XRCC6: variants seen among roughly 807,000 people sequenced by gnomAD.
XRCC6 encodes DNA repair protein Ku70.
XRCC6 carries 5 observed loss-of-function variants against 65.7 expected under a neutral mutation model. The ratio of observed to expected loss-of-function variants is 0.08; its 90% CI spans 0.04 to 0.16. XRCC6 has a LOEUF of 0.16. Ranked by LOEUF, XRCC6 falls within the 10% of genes least tolerant of loss-of-function variation. XRCC6 has a pLI of 1.00. For synonymous variants in XRCC6, 270 were observed against 270.6 expected, an observed-to-expected ratio of 1.00 and a Z score of 0.02; for missense variants, 447 against 738.1, an observed-to-expected ratio of 0.61 and a Z score of 4.57.
At chr22:41,646,156 A>C (rs975296128) in intron 6 of XRCC6, among the ~76,000 whole-genome samples, 3 of 151,982 alleles carry the variant, frequency 2.0e-5, no homozygotes, top group African/African-American at 7.2e-5. Context: ...AAAAGAAATT[A>C]GCTGGGTGTC....
Position 41,636,574 on chromosome 22 carries a change from C to T in XRCC6, c.393C>T (p.Phe131=), listed in dbSNP as rs755041268. Residue 131 remains phenylalanine (F), a synonymous_variant, in exon 5 of 13, where the codon TTC becomes TTT. Coordinates refer to ENST00000360079, the MANE Select transcript of XRCC6 (RefSeq NM_001469.5). ...QFKGQQGQKR[F]QDMMGHGSDY... is the part of the protein sequence containing the mutation. Reference sequence around the variant, plus strand: ...AGGGGCAGCAGGGACAAAAACGTTTCCAAGACATGATGGGCCACGGATCTG... The same window carrying T: ...AGGGGCAGCAGGGACAAAAACGTTTTCAAGACATGATGGGCCACGGATCTG... The T allele has an allele frequency of 6.8e-6, 11 of 1,613,962 alleles. No individual in the cohort carries two copies. The South Asian group carries it at 8.8e-5, about 13-fold the overall frequency.
At chr22:41,636,053 G>T in intron 3 of XRCC6, 60 bp from the exon 4 acceptor site, 3 of 1,477,204 alleles carry the variant, frequency 2.0e-6, no homozygotes, top group South Asian at 2.8e-5. Context: ...AATAGGTACT[G>T]AGCACTTATG....
chr22:41,649,139 A>AAAAAATATATATATAT, intron 7 of XRCC6, among the ~76,000 whole-genome samples: 9 of 88,728 alleles, frequency 1.0e-4, no homozygotes, highest in Admixed American at 3.5e-4. Flanking sequence ...AAAAAAAAAA[A>AAAAAATATATATATAT]ATATATATAT....
intron 3 of XRCC6, among the ~76,000 whole-genome samples, chr22:41,631,180 A>G (rs1347078605): frequency 3.4e-5 from 4 of 118,850 alleles, no homozygotes; most frequent in Admixed American, 1.6e-4. Context: ...GCGGCTGGCC[A>G]GGCAGAGGGG....
At chr22:41,626,720 C>T (rs1284378997) in intron 2 of XRCC6, among the ~76,000 whole-genome samples, 1 of 150,966 alleles carries the variant, frequency 6.6e-6, no homozygotes, top group African/African-American at 2.4e-5. Flanking sequence ...TCACTGGAAG[C>T]TCCCCCTCCC....
chr22:41,625,245 G>A (rs1456858595), intron 2 of XRCC6, among the ~76,000 whole-genome samples: 5 of 152,188 alleles, frequency 3.3e-5, no homozygotes, highest in South Asian at 4.1e-4. Flanking sequence ...TGGAGGTTGC[G>A]GTGAGCCAAG....
intron 6 of XRCC6, among the ~76,000 whole-genome samples, chr22:41,643,350 A>G (rs2067898083): frequency 6.6e-6 from 1 of 151,438 alleles, no homozygotes; most frequent in Admixed American, 6.6e-5. Flanking sequence ...CGGAGGTTGC[A>G]GTGAGCCGAG....
chr22:41,660,691 C>T (rs1372534397), intron 11 of XRCC6, among the ~76,000 whole-genome samples: 3 of 152,154 alleles, frequency 2.0e-5, no homozygotes, highest in Non-Finnish European at 2.9e-5. Context: ...TCTTATCTTT[C>T]ACCACCCCTC....
chr22:41,651,361 A>ATTTTTTTTTTTTTTTTTTTTTTTTTTTT (rs764795746), intron 8 of XRCC6, among the ~76,000 whole-genome samples: 2 of 49,676 alleles, frequency 4.0e-5, no homozygotes, highest in African/African-American at 6.2e-5. Context: ...AGTTAAACAG[A>ATTTTTTTTTTTTTTTTTTTTTTTTTTTT]TTTTTTTTTT....
At chr22:41,633,383 T>TAA (rs1432482719) in intron 3 of XRCC6, among the ~76,000 whole-genome samples, 1 of 151,998 alleles carries the variant, frequency 6.6e-6, no homozygotes, top group Non-Finnish European at 1.5e-5. Flanking sequence ...TAACCTTTTT[T>TAA]AGACCGTGGA....
chr22:41,660,485 T>C (rs1450645833), intron 11 of XRCC6, among the ~76,000 whole-genome samples: 1 of 152,106 alleles, frequency 6.6e-6, no homozygotes, highest in Non-Finnish European at 1.5e-5. Context: ...ACCTGTCTTA[T>C]CTTACCCTCT....
chr22:41,642,775 C>T (rs758725142), intron 6 of XRCC6, among the ~76,000 whole-genome samples: 1 of 152,176 alleles, frequency 6.6e-6, no homozygotes, highest in Non-Finnish European at 1.5e-5. Flanking sequence ...TAATTGGTTG[C>T]ATTTATCGTC....
At chr22:41,650,038 T>C (rs2067980176) in intron 7 of XRCC6, among the ~76,000 whole-genome samples, 1 of 151,590 alleles carries the variant, frequency 6.6e-6, no homozygotes, top group East Asian at 1.9e-4. Flanking sequence ...TAAATAATAA[T>C]AAATAGATAT....
In XRCC6 at chr22:41,650,747, C is replaced by T. The variant is rs757863806; in HGVS notation, c.985C>T (p.Leu329=). 19 of 1,613,484 alleles carry T rather than the reference C, an allele frequency of 1.2e-5. No homozygotes were observed. Among genetic ancestry groups the T allele is most frequent in the Non-Finnish European group, 1.6e-5 (19 of 1,179,756 alleles). ...SQIYGSRQII[L]EKEETEELKR... is the part of the protein sequence containing the mutation. ...GATCTATGGGAGTCGTCAGATTATA[C>T]TGGAGAAAGAGGAAACAGAAGAGCT... The change falls in exon 8 of 13, where the codon CTG becomes TTG. Residue 329 remains leucine (L), a synonymous_variant. Coordinates refer to ENST00000360079, the MANE Select transcript of XRCC6 (RefSeq NM_001469.5).
rs538301994 is a variant in XRCC6, at chr22:41,658,235, CATT to C, written c.1422-13_1422-11del. ...AAATTGTCATGTTTCAGTTGAGTTA[CATT>C]ATTGTTTTAACAGAAGTGACAGCTT... On this transcript the variant is annotated splice_polypyrimidine_tract_variant and intron_variant, in intron 10 of 12. Transcript: ENST00000360079. 0.014 allele frequency: 21,999 copies of C among 1,611,164 alleles called. 207 individuals carry two copies. Among genetic ancestry groups the C allele is most frequent in the Middle Eastern group, 0.041 (202 of 4,948 alleles).
chr22:41,653,707 T>G lies in XRCC6; in HGVS notation c.1291+17T>G. ...CTCCTCCAGGTATGTGGCAGAGATA[T>G]TTCCAGGGCTTCTGAACCTTGCCCA... On this transcript the variant is annotated intron_variant, in intron 9 of 12. Coordinates refer to ENST00000360079, the MANE Select transcript of XRCC6 (RefSeq NM_001469.5). The G allele has an allele frequency of 1.2e-6, 2 of 1,610,984 alleles. No homozygotes were observed. Among genetic ancestry groups the G allele is most frequent in the Non-Finnish European group, 1.7e-6 (2 of 1,177,598 alleles).
chr22:41,628,143 T>C lies in XRCC6; in HGVS notation c.108T>C (p.Asp36=), dbSNP rs1218396338. 1 of 1,613,296 alleles carries C rather than the reference T, an allele frequency of 6.2e-7. No individual in the cohort carries two copies. The highest frequency in any genetic ancestry group is 8.5e-7 in the Non-Finnish European group (1 of 1,179,636). The change falls in exon 3 of 13, where the codon GAT becomes GAC. Residue 36 remains aspartate (D), a synonymous_variant. Transcript: ENST00000360079. ...ASGDYKYSGR[D]SLIFLVDASK... The stretch of plus-strand genomic sequence containing the variant: ...GAGACTATAAATATTCAGGAAGAGA[T>C]AGTTTGATTTTTTTGGTTGATGCCT...
chr22:41,636,757 T>A lies in XRCC6; in HGVS notation c.576T>A (p.Asp192Glu). The A allele has an allele frequency of 1.2e-6, 2 of 1,614,112 alleles. No individual in the cohort carries two copies. The highest frequency in any genetic ancestry group is 1.7e-6 in the Non-Finnish European group (2 of 1,180,000). Residue 192 changes from aspartate to glutamate, a missense_variant, in exon 5 of 13, where the codon GAT becomes GAA. Transcript: ENST00000360079. ...GCCGGGCCAGGACCAAAGCCGGTGA[T>A]CTCCGAGATACAGGTGGGCATATTT... is the stretch of plus-strand genomic sequence containing the variant. ...KASRARTKAG[D>E]LRDTGIFLDL... is the part of the protein sequence containing the mutation.
chr22:41,632,790 T>A (rs1415826903), intron 3 of XRCC6, among the ~76,000 whole-genome samples: 7 of 149,576 alleles, frequency 4.7e-5, no homozygotes, highest in Admixed American at 4.0e-4. Context: ...GCCAGTGAAC[T>A]CTAGCCTGGG....
Sources: gnomAD v4.1 joint callset for allele counts (sites outside exome capture counted in the v4.1 genomes callset) on GRCh38, gnomAD v4.1.1 for gene constraint, MANE v1.5 for transcripts, NCBI Gene and HGNC (gene_info 2026-07-23, HGNC 2026-07-21) for gene names.